Variants in PDCD6 observed in about 807,000 individuals in gnomAD.
PDCD6 encodes the protein programmed cell death 6.
PDCD6 carries 12 observed loss-of-function variants against 28.3 expected under a neutral mutation model. The ratio of observed to expected loss-of-function variants is 0.42; its 90% confidence interval spans 0.27 to 0.69. The LOEUF is 0.69. PDCD6 is among the 30% of genes least tolerant of loss of function. The pLI, the probability that PDCD6 is intolerant of heterozygous loss-of-function variation, is 0.22. For synonymous variants in PDCD6, 92 were observed against 108.0 expected, an observed-to-expected ratio of 0.85 and a Z score of 0.92; for missense variants, 226 against 269.9, an observed-to-expected ratio of 0.84 and a Z score of 1.14.
At chr5:303,937 G>A (rs559616676) in intron 2 of PDCD6, among the ~76,000 whole-genome samples, 7,392 of 150,966 alleles carry the variant, frequency 0.049, 218 homozygotes, top group East Asian at 0.069. Flanking sequence ...GACTGTGGAC[G>A]GCCTTGGAGG....
chr5:291,370 T>C (rs1739301358), intron 2 of PDCD6, among the ~76,000 whole-genome samples: 1 of 152,140 alleles, frequency 6.6e-6, no homozygotes, highest in Admixed American at 6.5e-5. Flanking sequence ...TCCTCCATTC[T>C]CTCCCTGAGA....
intron 2 of PDCD6, among the ~76,000 whole-genome samples, chr5:294,549 G>C (rs1016887168): frequency 6.6e-6 from 1 of 152,252 alleles, no homozygotes; most frequent in African/African-American, 2.4e-5. Context: ...GGCCGACCCA[G>C]GTTCTAGTGA....
rs993416277 is a variant in PDCD6, at chr5:271,705, C to T, written c.-16C>T. On this transcript the variant is annotated 5_prime_UTR_variant, in exon 1 of 6. Coordinates refer to ENST00000264933, the MANE Select transcript of PDCD6 (RefSeq NM_013232.4). Reference sequence around the variant, plus strand: ...CGTCGCTGCAGGCGCCTCAGCCCAGCCGCGTGCCTTGGCCCATGGCCGCCT... The same window carrying T: ...CGTCGCTGCAGGCGCCTCAGCCCAGTCGCGTGCCTTGGCCCATGGCCGCCT... 1.3e-6 allele frequency: 2 copies of T among 1,484,058 alleles called. No homozygotes were observed. Among genetic ancestry groups the T allele is most frequent in the Admixed American group, 1.9e-5 (1 of 51,682 alleles). 91.9% of individuals were successfully genotyped at this position (1,484,058 alleles called of 1,614,324 possible). A position where few individuals can be genotyped will look rare whatever the true frequency, so the allele number is the denominator to read the frequency against.
rs70955230 is a variant in PDCD6, at chr5:302,191, C to CTGTG, written c.164-1968_164-1965dup. Among the ~76,000 whole-genome samples the CTGTG allele has an allele frequency of 8.6e-4, 76 of 88,066 alleles. 1 individual carries two copies. Among genetic ancestry groups the CTGTG allele is most frequent in the South Asian group, 2.6e-3 (5 of 1,938 alleles). The allele number at this position is 88,066 out of a possible 152,430, so 57.8% of individuals were successfully genotyped here. A position where few individuals can be genotyped will look rare whatever the true frequency, so the allele number is the denominator to read the frequency against. The stretch of plus-strand genomic sequence containing the variant: ...CTGGAGGGCGGGTCGTGGAGTGCTG[C>CTGTG]TGTGTGTGTGTGTGTGTGTGTATGC... On this transcript the variant is annotated intron_variant, in intron 2 of 5. Transcript: ENST00000264933.
In PDCD6 at chr5:271,726, C is replaced by T. The variant is rs753833363; in HGVS notation, c.6C>T (p.Ala2=). The change falls in exon 1 of 6, where the codon GCC becomes GCT. Residue 2 remains alanine, a synonymous_variant. Coordinates refer to ENST00000264933, the MANE Select transcript of PDCD6 (RefSeq NM_013232.4). ...CCAGCCGCGTGCCTTGGCCCATGGCCGCCTACTCTTACCGCCCCGGCCCTG... is the reference window on the plus strand; with the variant it reads ...CCAGCCGCGTGCCTTGGCCCATGGCTGCCTACTCTTACCGCCCCGGCCCTG... M[A]AYSYRPGPGA... is the part of the protein sequence containing the mutation. 4.6e-6 allele frequency: 7 copies of T among 1,534,946 alleles called. No homozygotes were observed. The highest frequency in any genetic ancestry group is 6.1e-6 in the Non-Finnish European group (7 of 1,144,978).
At chr5:295,104 G>A (rs1314358109) in intron 2 of PDCD6, among the ~76,000 whole-genome samples, 1 of 152,104 alleles carries the variant, frequency 6.6e-6, no homozygotes, top group East Asian at 1.9e-4. Flanking sequence ...GGGCTGTACA[G>A]CAAACACTAG....
chr5:309,663 ACCAGTGAGGGCCGCCGTCCCCGTGCACC>A (rs1740774502), intron 4 of PDCD6: 22 of 25,924 alleles, frequency 8.5e-4, no homozygotes, highest in African/African-American at 1.7e-3. Context: ...CCCCGTGCAC[ACCAGTGAGGGCCGCCGTCCCCGTGCACC>A]CCAGTGAGGG....
chr5:284,281 G>A (rs1315367514), intron 2 of PDCD6, among the ~76,000 whole-genome samples: 2 of 151,996 alleles, frequency 1.3e-5, no homozygotes, highest in African/African-American at 2.4e-5. Context: ...TCTAAGTTGA[G>A]GGTCTTGCAA....
intron 4 of PDCD6, 23 bp from the exon 5 acceptor site, chr5:311,270 G>T: frequency 6.3e-7 from 1 of 1,590,634 alleles, no homozygotes; most frequent in South Asian, 1.1e-5. Context: ...AGCCTTCTCT[G>T]ACTCTGACTT....
At chr5:279,571 C>T (rs10062737) in intron 2 of PDCD6, among the ~76,000 whole-genome samples, 36,476 of 151,648 alleles carry the variant, frequency 0.24, 6,859 homozygotes, top group African/African-American at 0.53. Flanking sequence ...TTCAAAGGGG[C>T]GTGTCATGTG....
At chr5:311,003 G>A (rs1740876488) in intron 4 of PDCD6, 1 of 358,710 alleles carries the variant, frequency 2.8e-6, no homozygotes. Flanking sequence ...TCCCGGAGGT[G>A]AGTAGTTAAT....
rs2126768996 is a variant in PDCD6 at position 307,239 on chromosome 5, C to CT, written c.367+480dup. On this transcript the variant is annotated intron_variant, in intron 4 of 5. Transcript: ENST00000264933. The surrounding 1 kb of genome is among the most constrained non-coding windows in gnomAD (Gnocchi z 6.1). ...CTCAGGTGTGCTCGGCGTGTGTGTG[C>CT]TCGGCGTGTGTGTGCTCGGCGTGTG... Among the ~76,000 whole-genome samples the CT allele has an allele frequency of 7.5e-6, 1 of 134,182 alleles. No homozygotes were observed. Among genetic ancestry groups the CT allele is most frequent in the East Asian group, 2.0e-4 (1 of 5,092 alleles). 88.0% of individuals were successfully genotyped at this position (134,182 alleles called of 152,430 possible). A position where few individuals can be genotyped will look rare whatever the true frequency, so the allele number is the denominator to read the frequency against.
chr5:276,191 G>A (rs1164148318), intron 2 of PDCD6: 49 of 1,063,174 alleles, frequency 4.6e-5, no homozygotes, highest in African/African-American at 5.1e-5. Flanking sequence ...ATCAAGCCAC[G>A]GCACTCCAGC....
chr5:273,649 G>C (rs969098135), intron 2 of PDCD6, among the ~76,000 whole-genome samples: 1 of 152,162 alleles, frequency 6.6e-6, no homozygotes, highest in Non-Finnish European at 1.5e-5. Flanking sequence ...CTGGGGCGCG[G>C]GGAGCACTAC....
At chr5:304,368 C>G in intron 3 of PDCD6, 147 bp downstream of exon 3, 3 of 1,250,050 alleles carry the variant, frequency 2.4e-6, no homozygotes, top group Non-Finnish European at 3.3e-6. Flanking sequence ...TCATCCCTCT[C>G]CCTCCGTCTC....
At chr5:300,472 C>T (rs192532493) in intron 2 of PDCD6, among the ~76,000 whole-genome samples, 83 of 152,332 alleles carry the variant, frequency 5.4e-4, no homozygotes, top group African/African-American at 2.0e-3. Flanking sequence ...TCTCAGGGAC[C>T]CCCATGCAGT....
In PDCD6 at chr5:311,560, G is replaced by C. The variant is rs535589799; in HGVS notation, c.477+158G>C. The C allele has an allele frequency of 4.0e-5, 24 of 605,384 alleles. No homozygotes were observed. The African/African-American group carries it at 4.3e-4, about 11-fold the overall frequency. 37.5% of individuals were successfully genotyped at this position (605,384 alleles called of 1,614,324 possible). On this transcript the variant is annotated intron_variant, in intron 5 of 5. Transcript: ENST00000264933. ...TCATCTTTGGAGAAGTAGCCGGTTAGTGAAGTGTGGACAAACATGTTTTCC... is the reference window on the plus strand; with the variant it reads ...TCATCTTTGGAGAAGTAGCCGGTTACTGAAGTGTGGACAAACATGTTTTCC...
At chr5:296,465 C>A (rs1159255063) in intron 2 of PDCD6, among the ~76,000 whole-genome samples, 2 of 152,224 alleles carry the variant, frequency 1.3e-5, no homozygotes, top group African/African-American at 4.8e-5. Flanking sequence ...GATCCAAATG[C>A]TCGTTCACTG....
At position 271,678 on chromosome 5, in the gene PDCD6, C is replaced by T. The variant is rs753745481; in HGVS notation, c.-43C>T. ...GAAGCGGAGTCGGCCTGAGAGGTCT[C>T]TCGTCGCTGCAGGCGCCTCAGCCCA... On this transcript the variant is annotated 5_prime_UTR_variant, in exon 1 of 6. Transcript: ENST00000264933. 5 of 1,202,018 alleles carry T rather than the reference C, an allele frequency of 4.2e-6. No homozygotes were observed. The highest frequency in any genetic ancestry group is 2.6e-5 in the South Asian group (2 of 77,736). 74.5% of individuals were successfully genotyped at this position (1,202,018 alleles called of 1,614,324 possible).
Sources: gnomAD v4.1 joint callset for allele counts (sites outside exome capture counted in the v4.1 genomes callset) on GRCh38, gnomAD v4.1.1 for gene constraint, Gnocchi (gnomAD v3.1) non-coding constraint, MANE v1.5 for transcripts, NCBI Gene and HGNC (gene_info 2026-07-23, HGNC 2026-07-21) for gene names.